Variants in TPPP observed in about 807,000 individuals in gnomAD.
TPPP encodes tubulin polymerization promoting protein.
In TPPP, 6 loss-of-function variants were observed where a neutral mutation model predicts 15.5. That is an observed-to-expected ratio of 0.39 (90% CI 0.21 to 0.77). The LOEUF (loss-of-function observed/expected upper bound fraction) is 0.77. Ranked by LOEUF, TPPP falls within the 30% of genes least tolerant of loss-of-function variation. TPPP has a pLI of 0.42. For synonymous variants in TPPP, 146 were observed against 133.9 expected (o/e 1.09, Z -0.63); for missense variants, 269 against 307.2 (o/e 0.88, Z 0.93).
the TPPP span, among the ~76,000 whole-genome samples, chr5:700,692 G>T: frequency 0.079 from 11,990 of 151,180 alleles, 1,391 homozygotes; most frequent in African/African-American, 0.27. Context: ...CTTCTTTTTA[G>T]TTATGCAGCT....
intron 2 of TPPP, among the ~76,000 whole-genome samples, chr5:666,410 G>A (rs1439810109): frequency 3.3e-5 from 5 of 152,232 alleles, no homozygotes; most frequent in Admixed American, 1.3e-4. Flanking sequence ...ATTAGGCAGC[G>A]GAGCCCACCT....
At chr5:668,878 G>A (rs574534686) in intron 2 of TPPP, among the ~76,000 whole-genome samples, 5 of 152,318 alleles carry the variant, frequency 3.3e-5, no homozygotes, top group South Asian at 4.1e-4. Context: ...CACCCAACGC[G>A]GTGGGTGCCA....
At chr5:686,705 T>TAGAAGAGGCAGAAG (rs1337853899) in intron 1 of TPPP, among the ~76,000 whole-genome samples, 51 of 147,490 alleles carry the variant, frequency 3.5e-4, no homozygotes, top group African/African-American at 1.2e-3. Flanking sequence ...TGTCTCTACC[T>TAGAAGAGGCAGAAG]AGAAGAGGCA....
At chr5:666,332 G>A (rs1203190051) in intron 2 of TPPP, among the ~76,000 whole-genome samples, 4 of 152,214 alleles carry the variant, frequency 2.6e-5, no homozygotes, top group East Asian at 3.9e-4. Context: ...ATGCTCACAC[G>A]GCCCTGCAGG....
rs760806484 is a variant in TPPP at position 678,098 on chromosome 5, G to C, written c.-4-34C>G. On this transcript the variant is annotated intron_variant, in intron 1 of 3. Coordinates refer to ENST00000360578, the MANE Select transcript of TPPP (RefSeq NM_007030.3). The stretch of plus-strand genomic sequence containing the variant: ...GAAGGAGAGGAGAAAGGTGTCACCC[G>C]GGCCATGTCCCAGCTGAGCCGGGTG... 8 of 1,466,880 alleles carry C rather than the reference G, an allele frequency of 5.5e-6. No homozygotes were observed. In the East Asian group the frequency reaches 2.0e-4, roughly 36 times the overall value. The allele number at this position is 1,466,880 out of a possible 1,614,324, so 90.9% of individuals were successfully genotyped here. A position where few individuals can be genotyped will look rare whatever the true frequency, so the allele number is the denominator to read the frequency against.
At chr5:673,644 G>A (rs1561085882) in intron 2 of TPPP, among the ~76,000 whole-genome samples, 1 of 152,226 alleles carries the variant, frequency 6.6e-6, no homozygotes, top group Non-Finnish European at 1.5e-5. Flanking sequence ...GGCCACAGCT[G>A]TCTGCTCCCC....
At chr5:681,721 C>G (rs551618464) in intron 1 of TPPP, among the ~76,000 whole-genome samples, 1 of 146,952 alleles carries the variant, frequency 6.8e-6, no homozygotes, top group African/African-American at 2.5e-5. Context: ...ATGGCACCTA[C>G]GGGCTCACCC....
Position 674,095 on chromosome 5 carries a change from C to T in TPPP, c.311+3655G>A, listed in dbSNP as rs533895179. Among the ~76,000 whole-genome samples, 12 of 152,378 alleles carry T rather than the reference C, an allele frequency of 7.9e-5. No homozygotes were observed. The East Asian group carries it at 2.3e-3, about 29-fold the overall frequency. On this transcript the variant is annotated intron_variant, in intron 2 of 3. Coordinates refer to ENST00000360578, the MANE Select transcript of TPPP (RefSeq NM_007030.3). The stretch of plus-strand genomic sequence containing the variant: ...GGGCCGGCCCTGCAGGGCTGACGGC[C>T]CCTGGACAGGCTCTTCCTACCTCCC...
At chr5:699,111 C>G in the TPPP span, among the ~76,000 whole-genome samples, 1 of 151,886 alleles carries the variant, frequency 6.6e-6, no homozygotes, top group African/African-American at 2.4e-5. Context: ...AGACCCAACA[C>G]AATCTCTATC....
chr5:675,736 G>T, intron 2 of TPPP: 1 of 153,594 alleles, frequency 6.5e-6, no homozygotes, highest in Non-Finnish European at 1.5e-5. Context: ...CTGGTCTCAA[G>T]GGGCCCCAGG....
intron 2 of TPPP, among the ~76,000 whole-genome samples, chr5:675,460 GCA>G (rs1561087227): frequency 3.4e-5 from 2 of 58,592 alleles, no homozygotes; most frequent in African/African-American, 2.3e-4. Context: ...CTGGGGTGCA[GCA>G]CAGGGGGTGC....
chr5:684,262 G>A (rs1354343670), intron 1 of TPPP, among the ~76,000 whole-genome samples: 10 of 152,344 alleles, frequency 6.6e-5, no homozygotes, highest in East Asian at 3.9e-4. Flanking sequence ...GGGACCAGGG[G>A]GAAGCAGCCC....
At chr5:685,714 CAG>C (rs1354283435) in intron 1 of TPPP, among the ~76,000 whole-genome samples, 1 of 152,230 alleles carries the variant, frequency 6.6e-6, no homozygotes, top group African/African-American at 2.4e-5. Flanking sequence ...CCCCCATCTG[CAG>C]AGTGTGGTCC....
chr5:681,124 C>G (rs1467214908), intron 1 of TPPP, among the ~76,000 whole-genome samples: 2 of 152,256 alleles, frequency 1.3e-5, no homozygotes, highest in African/African-American at 2.4e-5. Flanking sequence ...GCATGGCATG[C>G]TGCTGTGCCA....
rs35332130 is a variant in TPPP at position 675,766 on chromosome 5, G to C, written c.311+1984C>G. The C allele has an allele frequency of 6.5e-3, 986 of 152,654 alleles. 9 individuals carry two copies. Among genetic ancestry groups the C allele is most frequent in the Non-Finnish European group, 9.0e-3 (613 of 68,278 alleles). The allele number at this position is 152,654 out of a possible 1,614,324, so 9.5% of individuals were successfully genotyped here. On this transcript the variant is annotated intron_variant, in intron 2 of 3. Coordinates refer to ENST00000360578, the MANE Select transcript of TPPP (RefSeq NM_007030.3). ...CCCAGGGATGAGTGGTCCTGGGTTA[G>C]TGTGGGCTCCAACCGCTAAGGTGTT...
At chr5:669,450 T>A (rs564192996) in intron 2 of TPPP, among the ~76,000 whole-genome samples, 4 of 152,206 alleles carry the variant, frequency 2.6e-5, no homozygotes, top group African/African-American at 9.6e-5. Context: ...ACAGTGCCCA[T>A]TGGGCCCTGT....
intron 2 of TPPP, among the ~76,000 whole-genome samples, chr5:673,070 C>T (rs1238064094): frequency 6.6e-6 from 1 of 152,170 alleles, no homozygotes; most frequent in Non-Finnish European, 1.5e-5. Context: ...TACCGAAGGC[C>T]ACTTCCTCAC....
In TPPP at chr5:668,350, C is replaced by T. The variant is rs533178899; in HGVS notation, c.312-2227G>A. Among the ~76,000 whole-genome samples the T allele has an allele frequency of 2.5e-3, 268 of 109,236 alleles. 2 individuals carry two copies. The highest frequency in any genetic ancestry group is 3.6e-3 in the Non-Finnish European group (198 of 54,778). The allele number at this position is 109,236 out of a possible 152,430, so 71.7% of individuals were successfully genotyped here. A position where few individuals can be genotyped will look rare whatever the true frequency, so the allele number is the denominator to read the frequency against. ...CCGTGTGGGCGCCGTCAGGGAAGTG[C>T]GGACAAGCACACTGGAGAGGGGTCC... On this transcript the variant is annotated intron_variant, in intron 2 of 3. Coordinates refer to ENST00000360578, the MANE Select transcript of TPPP (RefSeq NM_007030.3).
At chr5:672,732 C>T (rs1346957560) in intron 2 of TPPP, among the ~76,000 whole-genome samples, 4 of 152,254 alleles carry the variant, frequency 2.6e-5, no homozygotes, top group African/African-American at 9.6e-5. Context: ...ACTCCCACCG[C>T]CCGTGGTCCG....
Sources: allele counts gnomAD v4.1 joint callset (sites outside exome capture counted in the v4.1 genomes callset), GRCh38; gene constraint gnomAD v4.1.1; transcripts MANE v1.5; gene names NCBI Gene and HGNC (gene_info 2026-07-23, HGNC 2026-07-21).